Variants in ZGRF1 observed in about 807,000 individuals in gnomAD.
ZGRF1 encodes zinc finger GRF-type containing 1.
A neutral mutation model predicts 203.5 loss-of-function variants in ZGRF1; 196 were observed. The observed-to-expected ratio is 0.96, with a 90% CI of 0.86 to 1.08. The LOEUF (loss-of-function observed/expected upper bound fraction) is 1.08. Among genes scored for constraint, ZGRF1 ranks in the 50% least tolerant of loss-of-function variants. The pLI is 0.00. For synonymous variants in ZGRF1, 809 were observed against 841.3 expected, an observed-to-expected ratio of 0.96 and a Z score of 0.66; for missense variants, 2,326 against 2,416.3, an observed-to-expected ratio of 0.96 and a Z score of 0.78.
intron 7 of ZGRF1, among the ~76,000 whole-genome samples, chr4:112,611,261 G>C (rs7655798): frequency 0.39 from 59,751 of 151,770 alleles, 12,002 homozygotes; most frequent in South Asian, 0.49. Context: ...AAATTAGCTG[G>C]GTGTGGTGGC....
At chr4:112,566,720 C>T (rs192764681) in intron 16 of ZGRF1, among the ~76,000 whole-genome samples, 37 of 151,984 alleles carry the variant, frequency 2.4e-4, no homozygotes, top group African/African-American at 8.2e-4. Flanking sequence ...TGGAAAACCT[C>T]GAGTTGGAGG....
chr4:112,543,646 G>A (rs1026738888), intron 24 of ZGRF1, among the ~76,000 whole-genome samples: 2 of 152,126 alleles, frequency 1.3e-5, no homozygotes, highest in Non-Finnish European at 2.9e-5. Flanking sequence ...GAGGGAAAAT[G>A]TTATGTATTT....
intron 19 of ZGRF1, 71 bp downstream of exon 19, chr4:112,560,662 A>G: frequency 2.3e-6 from 3 of 1,280,082 alleles, no homozygotes; most frequent in Non-Finnish European, 3.3e-6. Context: ...GGAAATTATA[A>G]AGGAGCAGAC....
intron 16 of ZGRF1, among the ~76,000 whole-genome samples, chr4:112,572,878 C>T (rs1459998094): frequency 6.6e-6 from 1 of 152,044 alleles, no homozygotes; most frequent in East Asian, 1.9e-4. Context: ...GCAAGAATGG[C>T]CATAATCAAA....
At chr4:112,629,575 T>C (rs983884178) in intron 3 of ZGRF1, among the ~76,000 whole-genome samples, 3 of 151,702 alleles carry the variant, frequency 2.0e-5, no homozygotes, top group African/African-American at 7.3e-5. Flanking sequence ...GATGCTGAGG[T>C]GGGAGGATCA....
chr4:112,542,220 T>C (rs1245089074), intron 24 of ZGRF1, among the ~76,000 whole-genome samples: 1 of 152,118 alleles, frequency 6.6e-6, no homozygotes, highest in East Asian at 1.9e-4. Flanking sequence ...CAGGCACCTG[T>C]AATCCCAGCT....
intron 16 of ZGRF1, among the ~76,000 whole-genome samples, chr4:112,580,751 T>C (rs1469281299): frequency 1.3e-5 from 2 of 152,132 alleles, no homozygotes; most frequent in East Asian, 3.9e-4. Flanking sequence ...CCAGTAAGAA[T>C]GGCGATCACT....
intron 10 of ZGRF1, among the ~76,000 whole-genome samples, chr4:112,590,579 A>T (rs1166680104): frequency 1.3e-5 from 2 of 152,140 alleles, no homozygotes; most frequent in Non-Finnish European, 2.9e-5. Context: ...ATACTCTTGT[A>T]AATGATTTGA....
chr4:112,555,428 A>ATTT (rs1231967529), intron 20 of ZGRF1, among the ~76,000 whole-genome samples: 1 of 152,224 alleles, frequency 6.6e-6, no homozygotes, highest in Non-Finnish European at 1.5e-5. Flanking sequence ...CAAAATGGGA[A>ATTT]TTTAAAGAGC....
chr4:112,547,527 T>C, intron 23 of ZGRF1, 119 bp from the exon 24 acceptor site: 1 of 887,826 alleles, frequency 1.1e-6, no homozygotes. Flanking sequence ...GTATCCTGAG[T>C]ACTAATAAAG....
intron 22 of ZGRF1, 88 bp from the exon 23 acceptor site, chr4:112,548,468 A>T: frequency 9.5e-7 from 1 of 1,049,580 alleles, no homozygotes; most frequent in Non-Finnish European, 1.4e-6. Flanking sequence ...GGCTAAAATT[A>T]GAGAGTGAGC....
intron 10 of ZGRF1, among the ~76,000 whole-genome samples, chr4:112,592,096 C>CA (rs1319887309): frequency 3.3e-4 from 43 of 128,574 alleles, no homozygotes; most frequent in African/African-American, 1.1e-3. Context: ...CTCATTCATT[C>CA]TTTTTTTTTT....
Position 112,562,495 on chromosome 4 carries a change from G to A in ZGRF1, c.4583-10C>T, listed in dbSNP as rs376491543. 4.0e-6 allele frequency: 6 copies of A among 1,500,776 alleles called. No individual in the cohort carries two copies. In the Admixed American group the frequency reaches 7.1e-5, roughly 18 times the overall value. The allele number at this position is 1,500,776 out of a possible 1,614,324, so 93.0% of individuals were successfully genotyped here. A position where few individuals can be genotyped will look rare whatever the true frequency, so the allele number is the denominator to read the frequency against. On this transcript the variant is annotated splice_polypyrimidine_tract_variant and intron_variant, in intron 17 of 27. Transcript: ENST00000505019. ...AACGCATGGACAACCACTGTACAGA[G>A]GATGCAGAAAATAAACATTTGATGT...
chr4:112,598,727 T>G (rs1247722066), intron 10 of ZGRF1, among the ~76,000 whole-genome samples: 1 of 152,078 alleles, frequency 6.6e-6, no homozygotes, highest in Non-Finnish European at 1.5e-5. Context: ...ACAAATCTTA[T>G]TACATAAATT....
chr4:112,587,654 C>A lies in ZGRF1; in HGVS notation c.3403G>T (p.Val1135Phe), dbSNP rs115796795. The stretch of plus-strand genomic sequence containing the variant: ...TGAGTAGATATATTATTAAGTGAAA[C>A]ATCCCCTGGATTCACTTCCCTAGAT... ...EESREVNPGD[V>F]SLNNISTQSK... The change falls in exon 12 of 28, where the codon GTT (valine) becomes TTT (phenylalanine). Residue 1135 changes from valine to phenylalanine, a missense_variant. Physicochemically the swap from Val to Phe is conservative, Grantham distance 50 (BLOSUM62 -1). Coordinates refer to ENST00000505019, the MANE Select transcript of ZGRF1 (RefSeq NM_018392.5). 1.3e-3 allele frequency: 2,065 copies of A among 1,613,726 alleles called. 28 individuals carry two copies. In the African/African-American group the frequency reaches 0.024, roughly 18 times the overall value.
chr4:112,566,632 G>T (rs745493241), intron 16 of ZGRF1, among the ~76,000 whole-genome samples: 3 of 152,190 alleles, frequency 2.0e-5, no homozygotes, highest in Non-Finnish European at 4.4e-5. Context: ...CCTGATTCTG[G>T]TGTCATCTAA....
chr4:112,601,138 T>G (rs1022023953), intron 10 of ZGRF1, among the ~76,000 whole-genome samples: 1 of 149,472 alleles, frequency 6.7e-6, no homozygotes. Context: ...AGGCCAGGCG[T>G]GGTGGTTCAC....
chr4:112,587,581 G>A lies in ZGRF1; in HGVS notation c.3476C>T (p.Thr1159Ile). 1 of 1,613,864 alleles carries A rather than the reference G, an allele frequency of 6.2e-7. No homozygotes were observed. The highest frequency in any genetic ancestry group is 8.5e-7 in the Non-Finnish European group (1 of 1,179,862). Residue 1159 changes from threonine (T) to isoleucine (I), a missense_variant, in exon 12 of 28, where the codon ACT becomes ATT. Transcript: ENST00000505019. The part of the protein sequence containing the change: ...YQNTSQCNVA[T>I]PNRVDKRITD... ...TATTCTCTTATCAACTCTGTTTGGAGTAGCCACGTTGCATTGGGATGTGTT... is the reference window on the plus strand; with the variant it reads ...TATTCTCTTATCAACTCTGTTTGGAATAGCCACGTTGCATTGGGATGTGTT...
At chr4:112,636,412 G>T (rs1187391147) in intron 1 of ZGRF1, among the ~76,000 whole-genome samples, 1 of 151,630 alleles carries the variant, frequency 6.6e-6, no homozygotes, top group African/African-American at 2.4e-5. Context: ...TTTAAACAAG[G>T]AGTATTTTTT....
Sources: gnomAD v4.1 joint callset for allele counts (sites outside exome capture counted in the v4.1 genomes callset) on GRCh38, gnomAD v4.1.1 for gene constraint, MANE v1.5 for transcripts, NCBI Gene and HGNC (gene_info 2026-07-23, HGNC 2026-07-21) for gene names.